Variants in NCOR1 observed in about 807,000 individuals in gnomAD.
NCOR1 encodes nuclear receptor corepressor 1, also known as protein phosphatase 1, regulatory subunit 109.
In NCOR1, 63 loss-of-function variants were observed where a neutral mutation model predicts 288.1. The observed-to-expected ratio is 0.22, with a 90% CI of 0.18 to 0.27. The LOEUF is 0.27. Ranked by LOEUF, NCOR1 falls within the 10% of genes least tolerant of loss-of-function variation. The probability of loss-of-function intolerance (pLI) is 1.00; values close to 1 mark genes in which losing one functional copy is unlikely to be tolerated. For synonymous variants in NCOR1, 1,007 were observed against 1,065.9 expected (o/e 0.94, Z 1.08); for missense variants, 2,397 against 3,019.2 (o/e 0.79, Z 4.83).
chr17:16,095,164 G>A (rs563585741), intron 21 of NCOR1, among the ~76,000 whole-genome samples: 4 of 151,254 alleles, frequency 2.6e-5, no homozygotes, highest in South Asian at 2.1e-4. Flanking sequence ...AGTGAGGAAC[G>A]TCTCTGCCCG....
chr17:16,121,329 G>A, intron 15 of NCOR1, 60 bp from the exon 16 acceptor site: 1 of 1,377,482 alleles, frequency 7.3e-7, no homozygotes, highest in South Asian at 1.5e-5. Flanking sequence ...ATCGAAGAAG[G>A]TTTTAGTTTT....
chr17:16,190,682 A>G (rs2088041554), intron 2 of NCOR1, among the ~76,000 whole-genome samples: 1 of 152,178 alleles, frequency 6.6e-6, no homozygotes, highest in Admixed American at 6.5e-5. Context: ...ACCCAGCAAG[A>G]AAAATTAAGA....
At chr17:16,158,694 A>G (rs1026924173) in intron 6 of NCOR1, 66 bp downstream of exon 6, 3 of 936,444 alleles carry the variant, frequency 3.2e-6, no homozygotes, top group Non-Finnish European at 4.9e-6. Context: ...GGATACATTC[A>G]AAACTGAAAA....
chr17:16,117,854 A>T (rs1351868083), intron 18 of NCOR1, 34 bp downstream of exon 18: 1 of 1,597,414 alleles, frequency 6.3e-7, no homozygotes, highest in Non-Finnish European at 8.5e-7. Context: ...AGTAAAAAAC[A>T]GTAAGTAAAG....
chr17:16,103,339 G>A (rs2067973018), intron 19 of NCOR1, among the ~76,000 whole-genome samples: 1 of 152,088 alleles, frequency 6.6e-6, no homozygotes, highest in South Asian at 2.1e-4. Context: ...TTCACAGCTA[G>A]CACTCTAGTC....
chr17:16,044,637 AGCTCGCC>A, intron 42 of NCOR1: 2 of 632,532 alleles, frequency 3.2e-6, no homozygotes, highest in Non-Finnish European at 6.1e-6. Flanking sequence ...TCTGTCTCCG[AGCTCGCC>A]TGCATCTACT....
intron 18 of NCOR1, among the ~76,000 whole-genome samples, chr17:16,115,443 C>G (rs567060319): frequency 6.6e-6 from 1 of 152,200 alleles, no homozygotes; most frequent in Admixed American, 6.5e-5. Flanking sequence ...TTTTCTATCA[C>G]GTTGTTAGGC....
In NCOR1 at chr17:16,181,816, T is replaced by C. The variant is rs147661309; in HGVS notation, c.242+4738A>G. 7.1e-3 allele frequency among the ~76,000 whole-genome samples: 1,076 copies of C among 152,250 alleles called. 12 individuals carry two copies. The highest frequency in any genetic ancestry group is 0.024 in the African/African-American group (1,002 of 41,536). On this transcript the variant is annotated intron_variant, in intron 3 of 45. Transcript: ENST00000268712. ...AGCCTTAGTTTGGCAACCTCTGTCCTAGATAATAAAAAAAGTGAAAAACAG... is the reference window on the plus strand; with the variant it reads ...AGCCTTAGTTTGGCAACCTCTGTCCCAGATAATAAAAAAAGTGAAAAACAG...
Position 16,157,133 on chromosome 17 carries a change from T to A in NCOR1, c.732+1627A>T, listed in dbSNP as rs181989497. Among the ~76,000 whole-genome samples the A allele has an allele frequency of 4.6e-3, 702 of 151,766 alleles. 2 individuals carry two copies. Among genetic ancestry groups the A allele is most frequent in the South Asian group, 0.01 (49 of 4,820 alleles). ...AGCTATGCAGAGGACTTTTTTTTTT[T>A]AAAAAAACAAATCAGAGATTTCACA... On this transcript the variant is annotated intron_variant, in intron 6 of 45. Transcript: ENST00000268712.
In NCOR1 at chr17:16,030,292, T is replaced by A; in HGVS notation, c.*2004A>T. On this transcript the variant is annotated 3_prime_UTR_variant, in exon 46 of 46. Coordinates refer to ENST00000268712, the MANE Select transcript of NCOR1 (RefSeq NM_006311.4). ...GAGGATGAGAAGGGGTTGGTCTTGC[T>A]ATCTTGGGTGGCAGAGGTGGAAGAA... 1 of 224,876 alleles carries A rather than the reference T, an allele frequency of 4.4e-6. No individual in the cohort carries two copies. Among genetic ancestry groups the A allele is most frequent in the East Asian group, 6.4e-5 (1 of 15,660 alleles). The allele number at this position is 224,876 out of a possible 1,614,324, so 13.9% of individuals were successfully genotyped here. A position where few individuals can be genotyped will look rare whatever the true frequency, so the allele number is the denominator to read the frequency against.
intron 31 of NCOR1, 55 bp downstream of exon 31, chr17:16,070,103 GTTTTTTT>G (rs368198526): frequency 1.5e-6 from 2 of 1,332,910 alleles, no homozygotes; most frequent in African/African-American, 1.6e-5. Context: ...CTTGACAAAG[GTTTTTTT>G]TTTTTTTTTT....
At chr17:16,144,791 C>T (rs561421751) in intron 10 of NCOR1, among the ~76,000 whole-genome samples, 38 of 151,790 alleles carry the variant, frequency 2.5e-4, no homozygotes, top group Non-Finnish European at 4.3e-4. Context: ...CCGCTTTCCA[C>T]GGTCTCCCCT....
rs1567787429 is a variant in NCOR1, at chr17:16,064,086, C to T, written c.5203G>A (p.Asp1735Asn). Residue 1735 changes from aspartate to asparagine, a missense_variant, in exon 35 of 46, where the codon GAC becomes AAC. By Grantham distance (23) the Asp-to-Asn change is conservative. Transcript: ENST00000268712. ...CACTGACCTGGCCGCAGGTAGAGGTCGGAGGAAGCTGCAGCAATCCGTTCC... is the reference window on the plus strand; with the variant it reads ...CACTGACCTGGCCGCAGGTAGAGGTTGGAGGAAGCTGCAGCAATCCGTTCC... ...ERERIAAASS[D>N]LYLRPGSEQP... The T allele has an allele frequency of 3.7e-6, 6 of 1,614,014 alleles. No individual in the cohort carries two copies. The highest frequency in any genetic ancestry group is 5.1e-6 in the Non-Finnish European group (6 of 1,179,970).
At position 16,058,448 on chromosome 17, in the gene NCOR1, A is replaced by C. The variant is rs1018539264; in HGVS notation, c.6010+23T>G. On this transcript the variant is annotated intron_variant, in intron 38 of 45. Transcript: ENST00000268712. ...ATAAATGCAAATATGAAAACATGTA[A>C]ATGGTAGCTTAAGAAGACATACTTT... 5.6e-6 allele frequency: 9 copies of C among 1,609,766 alleles called. No individual in the cohort carries two copies. The African/African-American group carries it at 9.4e-5, about 17-fold the overall frequency.
intron 1 of NCOR1, among the ~76,000 whole-genome samples, chr17:16,204,174 A>G (rs1379879376): frequency 1.3e-5 from 2 of 152,216 alleles, no homozygotes. Context: ...GACCAATCAG[A>G]AATAGTCCCA....
In NCOR1 at chr17:16,052,965, C is replaced by A. The variant is rs150561135; in HGVS notation, c.6393-3977G>T. Among the ~76,000 whole-genome samples, 638 of 152,098 alleles carry A rather than the reference C, an allele frequency of 4.2e-3. 8 individuals carry two copies. Among genetic ancestry groups the A allele is most frequent in the African/African-American group, 0.015 (616 of 41,524 alleles). Reference sequence around the variant, plus strand: ...CAATATACACAAATATCAATAGATGCAGAAAAGGCTTTCAATAAAATTCAG... The same window carrying A: ...CAATATACACAAATATCAATAGATGAAGAAAAGGCTTTCAATAAAATTCAG... On this transcript the variant is annotated intron_variant, in intron 40 of 45. Transcript: ENST00000268712.
chr17:16,121,277 CA>C lies in NCOR1; in HGVS notation c.1635-9del. The C allele has an allele frequency of 1.2e-6, 2 of 1,608,282 alleles. No individual in the cohort carries two copies. The highest frequency in any genetic ancestry group is 8.5e-7 in the Non-Finnish European group (1 of 1,177,510). On this transcript the variant is annotated splice_polypyrimidine_tract_variant and intron_variant, in intron 15 of 45. Coordinates refer to ENST00000268712, the MANE Select transcript of NCOR1 (RefSeq NM_006311.4). ...TTTTCCTTGGTATTTTCTCTGGACACAAAAGCAAATGAAAACTTGTGTGATT... is the reference window on the plus strand; with the variant it reads ...TTTTCCTTGGTATTTTCTCTGGACACAAAGCAAATGAAAACTTGTGTGATT...
chr17:16,095,461 G>A (rs373013183), intron 21 of NCOR1, among the ~76,000 whole-genome samples: 10,098 of 136,238 alleles, frequency 0.074, 450 homozygotes, highest in African/African-American at 0.16. Context: ...CCCCCCGCCC[G>A]GCCAGCCGCC....
chr17:16,118,231 A>G (rs1021221494), intron 17 of NCOR1, among the ~76,000 whole-genome samples: 1 of 152,164 alleles, frequency 6.6e-6, no homozygotes, highest in Non-Finnish European at 1.5e-5. Context: ...TTCCCCCTCA[A>G]ATTTAAAACA....
Sources: allele counts gnomAD v4.1 joint callset (sites outside exome capture counted in the v4.1 genomes callset), GRCh38; gene constraint gnomAD v4.1.1; transcripts MANE v1.5; gene names NCBI Gene and HGNC (gene_info 2026-07-23, HGNC 2026-07-21).